WDR72: variants seen among roughly 807,000 people sequenced by gnomAD.
WDR72 encodes WD repeat domain 72, also known as WD repeat-containing protein 72.
WDR72 carries 120 observed loss-of-function variants against 124.2 expected under a neutral mutation model. That is an observed-to-expected ratio of 0.97 (90% confidence interval 0.83 to 1.12). WDR72 has a LOEUF of 1.12. Ranked by LOEUF, WDR72 falls within the 50% of genes most tolerant of loss-of-function variation. The probability of loss-of-function intolerance (pLI) is 0.00; values close to 1 mark genes in which losing one functional copy is unlikely to be tolerated. For missense variants in WDR72, 1,387 were observed against 1,278.8 expected (o/e 1.08, Z -1.29); for synonymous variants, 452 against 441.7 (o/e 1.02, Z -0.29).
chr15:53,726,821 G>A (rs942484816), intron 2 of WDR72, among the ~76,000 whole-genome samples: 12 of 152,110 alleles, frequency 7.9e-5, no homozygotes, highest in African/African-American at 2.7e-4. Context: ...TCCAGACTGG[G>A]TGACAGAGTG....
chr15:53,714,668 T>C (rs957955360), intron 5 of WDR72, among the ~76,000 whole-genome samples, 158 bp from the exon 6 acceptor site: 1 of 152,178 alleles, frequency 6.6e-6, no homozygotes, highest in African/African-American at 2.4e-5. Flanking sequence ...ACATTTTACA[T>C]CGTGCTCCAA....
At chr15:53,718,544 T>C (rs544297517) in intron 3 of WDR72, among the ~76,000 whole-genome samples, 1 of 152,070 alleles carries the variant, frequency 6.6e-6, no homozygotes, top group South Asian at 2.1e-4. Context: ...CCTATCAATT[T>C]TGCTTAATAA....
At chr15:53,668,974 G>GAGGAGAAGGAGGAGGAGGAGGAGA (rs1595834145) in intron 13 of WDR72, among the ~76,000 whole-genome samples, 3 of 112,864 alleles carry the variant, frequency 2.7e-5, no homozygotes, top group Admixed American at 1.0e-4. Flanking sequence ...GGAGGAGGAG[G>GAGGAGAAGGAGGAGGAGGAGGAGA]AGGAGAAGGA....
rs145690103 is a variant in WDR72 at position 53,587,953 on chromosome 15, G to T, written c.3148+9126C>A. ...GGTTGAAAATGAAGTACTCTGCCTT[G>T]GTTTTGCCTTCAAATACTTGTCAGC... On this transcript the variant is annotated intron_variant, in intron 18 of 19. Coordinates refer to ENST00000360509, the MANE Select transcript of WDR72 (RefSeq NM_182758.4). 5.9e-5 allele frequency among the ~76,000 whole-genome samples: 9 copies of T among 152,040 alleles called. No homozygotes were observed. In the East Asian group the frequency reaches 1.7e-3, roughly 30 times the overall value.
At chr15:53,711,206 T>C (rs963968908) in intron 8 of WDR72, 130 bp downstream of exon 8, 85 of 1,357,440 alleles carry the variant, frequency 6.3e-5, no homozygotes, top group Non-Finnish European at 8.5e-5. Context: ...CCAGAGTAAA[T>C]CTTCTAGTGC....
intron 14 of WDR72, among the ~76,000 whole-genome samples, chr15:53,655,230 CAAAAAAAAAAAAAAAAAAA>C (rs531072099): frequency 1.8e-5 from 1 of 54,582 alleles, no homozygotes; most frequent in Non-Finnish European, 3.2e-5. Flanking sequence ...GATGCCATCT[CAAAAAAAAAAAAAAAAAAA>C]AAAAAAAAAA....
chr15:53,557,802 A>G (rs1257273801), intron 18 of WDR72, among the ~76,000 whole-genome samples: 1 of 152,020 alleles, frequency 6.6e-6, no homozygotes, highest in African/African-American at 2.4e-5. Flanking sequence ...AGTTCAAAAA[A>G]TGTTTTACAT....
At chr15:53,719,759 T>C (rs1245247124) in intron 3 of WDR72, among the ~76,000 whole-genome samples, 1 of 152,136 alleles carries the variant, frequency 6.6e-6, no homozygotes, top group African/African-American at 2.4e-5. Flanking sequence ...ACTACATCTG[T>C]ATTTTCGGTA....
At chr15:53,690,152 C>A (rs1374504597) in intron 13 of WDR72, among the ~76,000 whole-genome samples, 1 of 151,278 alleles carries the variant, frequency 6.6e-6, no homozygotes, top group African/African-American at 2.4e-5. Flanking sequence ...ACCAGCATGG[C>A]ACATGTATAC....
intron 1 of WDR72, among the ~76,000 whole-genome samples, chr15:53,738,766 C>G (rs150623732): frequency 2.0e-5 from 3 of 152,130 alleles, no homozygotes; most frequent in Non-Finnish European, 4.4e-5. Context: ...ACCACCATGC[C>G]TAGCTAATTT....
chr15:53,618,152 A>G (rs1424880865), intron 14 of WDR72, among the ~76,000 whole-genome samples: 3 of 151,944 alleles, frequency 2.0e-5, no homozygotes, highest in Admixed American at 2.0e-4. Context: ...GATTTTTTTT[A>G]CCCCTGCATA....
At chr15:53,725,824 G>T (rs887954148) in intron 2 of WDR72, among the ~76,000 whole-genome samples, 10 of 152,098 alleles carry the variant, frequency 6.6e-5, no homozygotes, top group African/African-American at 2.2e-4. Context: ...GGGGCACAGA[G>T]AATTTTTAGG....
At chr15:53,616,288 T>C in intron 14 of WDR72, 45 bp from the exon 15 acceptor site, 1 of 1,500,620 alleles carries the variant, frequency 6.7e-7, no homozygotes, top group Non-Finnish European at 9.1e-7. Context: ...TGCTTATTAT[T>C]TTATTAAAGA....
At chr15:53,561,202 G>A (rs2140293853) in intron 18 of WDR72, among the ~76,000 whole-genome samples, 1 of 151,858 alleles carries the variant, frequency 6.6e-6, no homozygotes, top group African/African-American at 2.4e-5. Flanking sequence ...TTCTGGTAAG[G>A]ATATAGCTAT....
rs2016584649 is a variant in WDR72 at position 53,685,449 on chromosome 15, G to A, written c.1765+14301C>T. 3.7e-5 allele frequency among the ~76,000 whole-genome samples: 5 copies of A among 136,426 alleles called. No homozygotes were observed. The South Asian group carries it at 1.2e-3, about 34-fold the overall frequency. The allele number at this position is 136,426 out of a possible 152,430, so 89.5% of individuals were successfully genotyped here. ...CAGGAGCCGACGCGATCAACTGGAA[G>A]AAAGGGTATCAGTGATGGAAGATGA... On this transcript the variant is annotated intron_variant, in intron 13 of 19. Transcript: ENST00000360509.
At chr15:53,747,656 CAAAG>C (rs1207921566) in intron 1 of WDR72, among the ~76,000 whole-genome samples, 1 of 152,160 alleles carries the variant, frequency 6.6e-6, no homozygotes, top group Non-Finnish European at 1.5e-5. Context: ...ACTTGTGAGT[CAAAG>C]ATTTTCACAG....
chr15:53,642,680 C>T (rs1210884344), intron 14 of WDR72, among the ~76,000 whole-genome samples: 1 of 152,008 alleles, frequency 6.6e-6, no homozygotes, highest in Non-Finnish European at 1.5e-5. Flanking sequence ...TCTTAAATTA[C>T]AACATAAACC....
At chr15:53,721,304 T>C (rs1321306698) in intron 3 of WDR72, among the ~76,000 whole-genome samples, 1 of 152,184 alleles carries the variant, frequency 6.6e-6, no homozygotes, top group Non-Finnish European at 1.5e-5. Flanking sequence ...GTTAGATCAC[T>C]ATGGGCAAAG....
chr15:53,628,281 G>C (rs972859936), intron 14 of WDR72, among the ~76,000 whole-genome samples: 3 of 152,044 alleles, frequency 2.0e-5, no homozygotes, highest in African/African-American at 7.2e-5. Flanking sequence ...CATTAGAAGT[G>C]TAGTTAATGC....
Sources: gnomAD v4.1 joint callset for allele counts (sites outside exome capture counted in the v4.1 genomes callset) on GRCh38, gnomAD v4.1.1 for gene constraint, MANE v1.5 for transcripts, NCBI Gene and HGNC (gene_info 2026-07-23, HGNC 2026-07-21) for gene names.